Variants in CAMTA1 observed in about 807,000 individuals in gnomAD.
CAMTA1 encodes the protein calmodulin-binding transcription activator 1.
CAMTA1 carries 27 observed loss-of-function variants against 170.9 expected under a neutral mutation model. That is an observed-to-expected ratio of 0.16 (90% CI 0.12 to 0.22). The LOEUF is 0.22. CAMTA1 is among the 10% of genes least tolerant of loss of function. The pLI, the probability that CAMTA1 is intolerant of heterozygous loss-of-function variation, is 1.00. For missense variants in CAMTA1, 1,619 were observed against 2,217.2 expected (o/e 0.73, Z 5.42); for synonymous variants, 833 against 891.5 (o/e 0.93, Z 1.17).
intron 3 of CAMTA1, among the ~76,000 whole-genome samples, chr1:6,878,354 C>T (rs1670524045): frequency 6.6e-6 from 1 of 152,218 alleles, no homozygotes; most frequent in African/African-American, 2.4e-5. Context: ...TACCACAGCC[C>T]AGCTCGTAGA....
chr1:7,357,843 G>A (rs1335591535), intron 5 of CAMTA1, among the ~76,000 whole-genome samples: 1 of 152,168 alleles, frequency 6.6e-6, no homozygotes, highest in Non-Finnish European at 1.5e-5. Flanking sequence ...GCAGAGTGCC[G>A]GGCTGCTGGA....
At chr1:7,320,455 C>T (rs900734037) in intron 5 of CAMTA1, among the ~76,000 whole-genome samples, 1 of 152,118 alleles carries the variant, frequency 6.6e-6, no homozygotes, top group Non-Finnish European at 1.5e-5. Context: ...AGACATCTGG[C>T]TGGTGGGTGT....
intron 5 of CAMTA1, among the ~76,000 whole-genome samples, chr1:7,354,873 T>C (rs569568816): frequency 4.4e-4 from 67 of 152,288 alleles, no homozygotes; most frequent in South Asian, 1.2e-3. Flanking sequence ...TTCTGAACTC[T>C]TTCTAAATCT....
chr1:7,251,802 C>A lies in CAMTA1; in HGVS notation c.438+2176C>A, dbSNP rs1355030297. ...GAGTGGGCTGGAATGGTCAGAGACACTTCCTAGGTCAGATGGGATACAAGC... is the reference window on the plus strand; with the variant it reads ...GAGTGGGCTGGAATGGTCAGAGACAATTCCTAGGTCAGATGGGATACAAGC... On this transcript the variant is annotated intron_variant, in intron 5 of 22. Coordinates refer to ENST00000303635, the MANE Select transcript of CAMTA1 (RefSeq NM_015215.4). The surrounding 1 kb of genome is among the most constrained non-coding windows in gnomAD (Gnocchi z 5.1). Among the ~76,000 whole-genome samples the A allele has an allele frequency of 6.6e-6, 1 of 152,142 alleles. No homozygotes were observed. Among genetic ancestry groups the A allele is most frequent in the Non-Finnish European group, 1.5e-5 (1 of 68,024 alleles).
chr1:7,148,515 C>A (rs1397086203), intron 4 of CAMTA1, among the ~76,000 whole-genome samples: 5 of 152,210 alleles, frequency 3.3e-5, no homozygotes, highest in Admixed American at 2.0e-4. Flanking sequence ...TTCTGAATCC[C>A]CATCCTGCTG....
At chr1:7,129,052 G>C (rs2148518229) in intron 4 of CAMTA1, among the ~76,000 whole-genome samples, 1 of 151,850 alleles carries the variant, frequency 6.6e-6, no homozygotes, top group African/African-American at 2.4e-5. Flanking sequence ...TGGACAGGCT[G>C]ATCTTGAACT....
rs1280202462 is a variant in CAMTA1 at position 7,325,033 on chromosome 1, C to T, written c.438+75407C>T. Reference sequence around the variant, plus strand: ...TTGATTATATCTTGATTTTCTATACCCCTCCAAAATAGACATCATTATCAT... The same window carrying T: ...TTGATTATATCTTGATTTTCTATACTCCTCCAAAATAGACATCATTATCAT... On this transcript the variant is annotated intron_variant, in intron 5 of 22. Coordinates refer to ENST00000303635, the MANE Select transcript of CAMTA1 (RefSeq NM_015215.4). This position sits in a 1 kb window ranked among gnomAD's most constrained non-coding sequence, Gnocchi z 5.0. Among the ~76,000 whole-genome samples, 1 of 151,970 alleles carries T rather than the reference C, an allele frequency of 6.6e-6. No individual in the cohort carries two copies. The highest frequency in any genetic ancestry group is 1.5e-5 in the Non-Finnish European group (1 of 68,018).
chr1:7,126,583 G>C (rs17349997), intron 4 of CAMTA1, among the ~76,000 whole-genome samples: 8,270 of 152,126 alleles, frequency 0.054, 332 homozygotes, highest in Non-Finnish European at 0.087. Flanking sequence ...AAAATACAAG[G>C]GTTCCTATTG....
chr1:7,272,692 C>CAAAAAAAAA lies in CAMTA1; in HGVS notation c.438+23082_438+23090dup, dbSNP rs371588178. ...TCTGGGGCAACTGGATAAACACATG[C>CAAAAAAAAA]AAAAAAAAAAAAAAAAAAAAAAAAG... On this transcript the variant is annotated intron_variant, in intron 5 of 22. Transcript: ENST00000303635. Among the ~76,000 whole-genome samples the CAAAAAAAAA allele has an allele frequency of 6.9e-3, 266 of 38,792 alleles. 7 individuals carry two copies. Among genetic ancestry groups the CAAAAAAAAA allele is most frequent in the African/African-American group, 0.016 (175 of 10,748 alleles). 25.4% of individuals were successfully genotyped at this position (38,792 alleles called of 152,430 possible). A position where few individuals can be genotyped will look rare whatever the true frequency, so the allele number is the denominator to read the frequency against.
intron 3 of CAMTA1, among the ~76,000 whole-genome samples, chr1:7,006,862 C>A (rs921632012): frequency 6.6e-6 from 1 of 152,086 alleles, no homozygotes; most frequent in African/African-American, 2.4e-5. Context: ...CCAGTGGAGA[C>A]CTTGTATGAT....
intron 3 of CAMTA1, among the ~76,000 whole-genome samples, chr1:7,024,048 A>G (rs1701731211): frequency 6.6e-6 from 1 of 150,604 alleles, no homozygotes; most frequent in South Asian, 2.1e-4. Context: ...AAAAAAAAGA[A>G]AGAAAGAAAG....
At chr1:7,407,826 G>C (rs1423108271) in intron 5 of CAMTA1, among the ~76,000 whole-genome samples, 11 of 152,132 alleles carry the variant, frequency 7.2e-5, no homozygotes, top group Admixed American at 7.2e-4. Flanking sequence ...CAGGGCATTG[G>C]GGGCCTGGGG....
intron 1 of CAMTA1, among the ~76,000 whole-genome samples, chr1:6,808,538 C>G (rs774201203): frequency 6.6e-6 from 1 of 152,200 alleles, no homozygotes; most frequent in Non-Finnish European, 1.5e-5. Context: ...GCCTTCTTGA[C>G]CTTGCCCCTC....
At chr1:7,166,645 G>A (rs1034394133) in intron 4 of CAMTA1, among the ~76,000 whole-genome samples, 2 of 152,026 alleles carry the variant, frequency 1.3e-5, no homozygotes, top group Admixed American at 6.6e-5. Flanking sequence ...CTATTGGATT[G>A]TCTGTCTTTT....
intron 5 of CAMTA1, among the ~76,000 whole-genome samples, chr1:7,302,284 C>T (rs1414561716): frequency 6.6e-6 from 1 of 152,096 alleles, no homozygotes; most frequent in African/African-American, 2.4e-5. Flanking sequence ...CCCTCCCGCA[C>T]CTGGCCCCAC....
At chr1:7,708,095 C>T (rs2096540698) in intron 11 of CAMTA1, among the ~76,000 whole-genome samples, 1 of 152,196 alleles carries the variant, frequency 6.6e-6, no homozygotes, top group African/African-American at 2.4e-5. Flanking sequence ...CTTTGGGAGG[C>T]TGAGGCAGGT....
intron 6 of CAMTA1, among the ~76,000 whole-genome samples, chr1:7,495,561 C>T (rs2093813273): frequency 6.6e-6 from 1 of 152,210 alleles, no homozygotes; most frequent in Non-Finnish European, 1.5e-5. Context: ...GAGCCTGAGT[C>T]GGGTTGTCAG....
chr1:7,611,767 G>A (rs1307822665), intron 6 of CAMTA1, among the ~76,000 whole-genome samples: 1 of 152,232 alleles, frequency 6.6e-6, no homozygotes, highest in Non-Finnish European at 1.5e-5. Flanking sequence ...GCTTCAGGCT[G>A]CCCCTCACTC....
intron 1 of CAMTA1, among the ~76,000 whole-genome samples, chr1:6,788,606 C>T (rs1299226623): frequency 1.3e-5 from 2 of 152,110 alleles, no homozygotes; most frequent in Non-Finnish European, 2.9e-5. Flanking sequence ...TTCGGAAAAA[C>T]GAAGAGTCGA....
Sources: allele counts gnomAD v4.1 joint callset (sites outside exome capture counted in the v4.1 genomes callset), GRCh38; gene constraint gnomAD v4.1.1; non-coding constraint Gnocchi (gnomAD v3.1); transcripts MANE v1.5; gene names NCBI Gene and HGNC (gene_info 2026-07-23, HGNC 2026-07-21).